Variants in MYO9A observed in about 807,000 individuals in gnomAD.
The protein encoded by MYO9A is unconventional myosin-IXa.
Under a neutral mutation model 293.3 loss-of-function variants are expected in MYO9A, and 103 were observed. That is an observed-to-expected ratio of 0.35 (90% CI 0.30 to 0.41). The LOEUF (loss-of-function observed/expected upper bound fraction) is 0.41, where lower values mean the gene tolerates loss of function less well. Among genes scored for constraint, MYO9A ranks in the 10% least tolerant of loss-of-function variants. The pLI, the probability that MYO9A is intolerant of heterozygous loss-of-function variation, is 1.00. For missense variants in MYO9A, 2,685 were observed against 3,033.0 expected (o/e 0.89, Z 2.69); for synonymous variants, 1,001 against 1,035.7 (o/e 0.97, Z 0.64).
At chr15:72,017,741 A>C (rs1273903882) in intron 6 of MYO9A, among the ~76,000 whole-genome samples, 2 of 152,238 alleles carry the variant, frequency 1.3e-5, no homozygotes, top group African/African-American at 2.4e-5. Context: ...TGAGAATCAC[A>C]GTTGTGGTTC....
At chr15:71,967,555 C>T (rs1043989129) in intron 13 of MYO9A, among the ~76,000 whole-genome samples, 5 of 152,028 alleles carry the variant, frequency 3.3e-5, no homozygotes, top group African/African-American at 1.2e-4. Context: ...AAATGGACAA[C>T]ATTATTAAGA....
chr15:71,867,096 A>T (rs960600804), intron 32 of MYO9A, among the ~76,000 whole-genome samples: 1 of 151,876 alleles, frequency 6.6e-6, no homozygotes, highest in African/African-American at 2.4e-5. Context: ...ACACACACAC[A>T]CACACAAAAC....
chr15:71,932,816 C>T (rs933230841), intron 18 of MYO9A, among the ~76,000 whole-genome samples: 11 of 152,042 alleles, frequency 7.2e-5, no homozygotes, highest in South Asian at 2.1e-4. Flanking sequence ...CGTTGTTACA[C>T]GCATCAATAG....
At chr15:72,042,561 T>C (rs1035951096) in intron 2 of MYO9A, among the ~76,000 whole-genome samples, 9 of 151,966 alleles carry the variant, frequency 5.9e-5, no homozygotes, top group Non-Finnish European at 1.3e-4. Context: ...TATAACTTAA[T>C]GGCTAAAGAC....
intron 11 of MYO9A, among the ~76,000 whole-genome samples, chr15:71,980,318 G>T (rs1391689677): frequency 4.6e-5 from 7 of 152,094 alleles, no homozygotes; most frequent in Non-Finnish European, 1.0e-4. Context: ...ATTCTGATGT[G>T]GTTGTGGCAA....
At chr15:71,953,456 G>A (rs1397830594) in intron 14 of MYO9A, among the ~76,000 whole-genome samples, 1 of 152,110 alleles carries the variant, frequency 6.6e-6, no homozygotes, top group African/African-American at 2.4e-5. Flanking sequence ...AATAATTCAA[G>A]AATATTATGT....
At chr15:71,935,894 G>A (rs1334003665) in intron 16 of MYO9A, among the ~76,000 whole-genome samples, 1 of 126,836 alleles carries the variant, frequency 7.9e-6, no homozygotes, top group Non-Finnish European at 1.7e-5. Flanking sequence ...CCTCCTGAAA[G>A]GTCTTATTTA....
chr15:71,942,903 T>C (rs559810267), intron 15 of MYO9A, among the ~76,000 whole-genome samples: 1 of 152,198 alleles, frequency 6.6e-6, no homozygotes, highest in Admixed American at 6.5e-5. Flanking sequence ...TCAGCTTCTA[T>C]CTTGCTCAAC....
At chr15:72,090,917 T>G (rs2150590059) in intron 1 of MYO9A, among the ~76,000 whole-genome samples, 1 of 151,226 alleles carries the variant, frequency 6.6e-6, no homozygotes, top group East Asian at 1.9e-4. Flanking sequence ...ATCCCAGCAC[T>G]TTGGGAGGCT....
intron 6 of MYO9A, among the ~76,000 whole-genome samples, chr15:72,014,826 A>G (rs1373681385): frequency 6.6e-6 from 1 of 151,918 alleles, no homozygotes; most frequent in African/African-American, 2.4e-5. Context: ...AAAGAGAAGA[A>G]AAGAGGATGT....
rs13329116 is a variant in MYO9A, at chr15:72,060,997, C to A, written c.-71-14363G>T. Among the ~76,000 whole-genome samples, 853 of 152,198 alleles carry A rather than the reference C, an allele frequency of 5.6e-3. 11 individuals are homozygous for A. The highest frequency in any genetic ancestry group is 0.019 in the African/African-American group (807 of 41,500). On this transcript the variant is annotated intron_variant, in intron 1 of 41. Transcript: ENST00000356056. ...CTTGGATATCAGCTCAGCCACAATA[C>A]AGTAAAGCACCAAGCACAGTCCTGA...
At chr15:72,018,982 T>G in intron 6 of MYO9A, 57 bp downstream of exon 6, 6 of 1,361,874 alleles carry the variant, frequency 4.4e-6, no homozygotes, top group Non-Finnish European at 6.3e-6. Flanking sequence ...TGGATGCAAA[T>G]GCGCAATGTG....
chr15:71,952,349 T>C (rs1016041044), intron 14 of MYO9A, among the ~76,000 whole-genome samples: 1 of 152,140 alleles, frequency 6.6e-6, no homozygotes, highest in Admixed American at 6.5e-5. Flanking sequence ...ACCACACTTG[T>C]AGGAATTCCA....
At chr15:71,967,058 G>GT (rs2075896478) in intron 13 of MYO9A, among the ~76,000 whole-genome samples, 1 of 152,026 alleles carries the variant, frequency 6.6e-6, no homozygotes, top group Admixed American at 6.6e-5. Flanking sequence ...CCTCATCAAG[G>GT]TAACATTTAT....
chr15:71,918,912 A>AT (rs1297442258), intron 18 of MYO9A, among the ~76,000 whole-genome samples: 5 of 152,078 alleles, frequency 3.3e-5, no homozygotes, highest in Admixed American at 3.3e-4. Flanking sequence ...AGTCATTCCA[A>AT]TTTTTTTCAT....
At chr15:71,919,652 C>G (rs558651071) in intron 18 of MYO9A, among the ~76,000 whole-genome samples, 1 of 151,616 alleles carries the variant, frequency 6.6e-6, no homozygotes, top group East Asian at 1.9e-4. Flanking sequence ...ACCAGCCTGG[C>G]CAACATGGCG....
At chr15:72,077,590 G>A (rs1015928439) in intron 1 of MYO9A, among the ~76,000 whole-genome samples, 3 of 151,598 alleles carry the variant, frequency 2.0e-5, no homozygotes, top group Non-Finnish European at 4.4e-5. Context: ...TACTCAGGAG[G>A]CTGAGGCAAG....
At chr15:71,982,350 GTA>G (rs2076297076) in intron 11 of MYO9A, among the ~76,000 whole-genome samples, 2 of 151,814 alleles carry the variant, frequency 1.3e-5, no homozygotes, top group Admixed American at 6.6e-5. Flanking sequence ...AATCATATAG[GTA>G]TTTTTCAGTT....
chr15:71,897,506 G>A lies in MYO9A; in HGVS notation c.4997C>T (p.Ala1666Val). The change falls in exon 25 of 42, where the codon GCT becomes GTT. Residue 1666 changes from alanine (A) to valine (V), a missense_variant. Ala to Val is a moderately conservative substitution (Grantham distance 64, BLOSUM62 0). Around this residue, in one of 10 missense-constraint regions of MYO9A, gnomAD observed 1,434 missense variants for 1,497.7 expected, o/e 0.96. Coordinates refer to ENST00000356056, the MANE Select transcript of MYO9A (RefSeq NM_006901.4). ...NSDDLSREGN[A>V]RPIFFTPKDN... is the part of the protein sequence containing the mutation. ...CTTTGGAGTGAAGAAAATGGGCCTAGCATTTCCCTCTCTGGAAAGGTCATC... is the reference window on the plus strand; with the variant it reads ...CTTTGGAGTGAAGAAAATGGGCCTAACATTTCCCTCTCTGGAAAGGTCATC... 6.2e-7 allele frequency: 1 copy of A among 1,613,920 alleles called. No individual in the cohort carries two copies. The highest frequency in any genetic ancestry group is 8.5e-7 in the Non-Finnish European group (1 of 1,179,838).
Sources: gnomAD v4.1 joint callset for allele counts (sites outside exome capture counted in the v4.1 genomes callset) on GRCh38, gnomAD v4.1.1 for gene constraint, gnomAD v4.1.1 regional missense constraint, MANE v1.5 for transcripts, NCBI Gene and HGNC (gene_info 2026-07-23, HGNC 2026-07-21) for gene names.